MYLK: variants seen among roughly 807,000 people sequenced by gnomAD.
MYLK encodes the protein myosin light chain kinase.
MYLK carries 106 observed loss-of-function variants against 203.4 expected under a neutral mutation model. The ratio of observed to expected loss-of-function variants is 0.52; its 90% CI spans 0.45 to 0.61. The LOEUF (loss-of-function observed/expected upper bound fraction) is 0.61, where lower values mean the gene tolerates loss of function less well. MYLK is among the 20% of genes least tolerant of loss of function. The pLI is 0.00. For missense variants in MYLK, 2,072 were observed against 2,442.3 expected (o/e 0.85, Z 3.20); for synonymous variants, 867 against 959.5 (o/e 0.90, Z 1.78).
chr3:123,653,708 C>G (rs1162186348), intron 24 of MYLK, among the ~76,000 whole-genome samples: 1 of 152,168 alleles, frequency 6.6e-6, no homozygotes, highest in Non-Finnish European at 1.5e-5. Context: ...GCCCTGGGAG[C>G]AGCTGTCCTA....
chr3:123,811,223 G>A (rs1023557728), intron 3 of MYLK, among the ~76,000 whole-genome samples: 2 of 152,082 alleles, frequency 1.3e-5, no homozygotes, highest in African/African-American at 4.8e-5. Context: ...CTGAAACAGG[G>A]AGCCATTTGC....
At chr3:123,627,807 T>C (rs1437039242) in intron 30 of MYLK, among the ~76,000 whole-genome samples, 1 of 152,016 alleles carries the variant, frequency 6.6e-6, no homozygotes, top group Non-Finnish European at 1.5e-5. Flanking sequence ...GGTATAAGAG[T>C]TTATGGGAAT....
intron 19 of MYLK, among the ~76,000 whole-genome samples, chr3:123,688,653 C>T (rs868693100): frequency 5.9e-5 from 9 of 152,084 alleles, no homozygotes; most frequent in African/African-American, 2.2e-4. Context: ...CACGGTCCTC[C>T]TCAACCTCAC....
chr3:123,864,318 A>T (rs1056960676), intron 2 of MYLK, among the ~76,000 whole-genome samples: 2 of 152,230 alleles, frequency 1.3e-5, no homozygotes, highest in Non-Finnish European at 2.9e-5. Flanking sequence ...TATGCTTAAG[A>T]TTTGTTCATT....
chr3:123,653,434 C>T (rs534797909), intron 24 of MYLK, among the ~76,000 whole-genome samples: 76 of 152,334 alleles, frequency 5.0e-4, no homozygotes, highest in African/African-American at 1.7e-3. Flanking sequence ...CTGCCCTCTT[C>T]CTCCTCCCCC....
At chr3:123,831,230 G>A (rs962521368) in intron 3 of MYLK, among the ~76,000 whole-genome samples, 2 of 152,220 alleles carry the variant, frequency 1.3e-5, no homozygotes, top group African/African-American at 4.8e-5. Context: ...ACCACAGCGT[G>A]CAGTGTGAAC....
chr3:123,869,057 G>A (rs2032550079), intron 2 of MYLK, among the ~76,000 whole-genome samples: 1 of 152,116 alleles, frequency 6.6e-6, no homozygotes, highest in Non-Finnish European at 1.5e-5. Context: ...AAAAGCCTTG[G>A]TCTGATTGTC....
chr3:123,664,073 C>G, intron 23 of MYLK, 32 bp downstream of exon 23: 1 of 1,613,482 alleles, frequency 6.2e-7, no homozygotes, highest in Non-Finnish European at 8.5e-7. Context: ...CCCCTTGCCC[C>G]AAGCTCCATG....
At chr3:123,861,272 C>T (rs1292270316) in intron 2 of MYLK, among the ~76,000 whole-genome samples, 1 of 152,270 alleles carries the variant, frequency 6.6e-6, no homozygotes, top group Non-Finnish European at 1.5e-5. Flanking sequence ...GAGGGCCTAC[C>T]AAGATAAGCT....
intron 2 of MYLK, among the ~76,000 whole-genome samples, chr3:123,870,936 T>C (rs914359927): frequency 6.6e-5 from 10 of 152,170 alleles, no homozygotes; most frequent in African/African-American, 2.4e-4. Flanking sequence ...TCCAACTCCC[T>C]TTCCTCTCCT....
intron 18 of MYLK, among the ~76,000 whole-genome samples, chr3:123,694,377 T>A (rs33262): frequency 0.54 from 82,058 of 151,970 alleles, 27,474 homozygotes; most frequent in Non-Finnish European, 0.77. Context: ...AAGTCTGTCA[T>A]AAGAGTAAGA....
intron 20 of MYLK, among the ~76,000 whole-genome samples, chr3:123,678,915 T>C (rs1276171956): frequency 6.6e-6 from 1 of 152,228 alleles, no homozygotes; most frequent in African/African-American, 2.4e-5. Flanking sequence ...ATTTCTATAT[T>C]GTTTAAAATG....
At chr3:123,755,682 G>A (rs2063338388) in intron 4 of MYLK, among the ~76,000 whole-genome samples, 4 of 152,104 alleles carry the variant, frequency 2.6e-5, no homozygotes, top group Admixed American at 6.5e-5. Flanking sequence ...TCCTTGGGAT[G>A]CATGACAACA....
chr3:123,695,372 G>T (rs2060875921), intron 18 of MYLK, among the ~76,000 whole-genome samples: 1 of 152,218 alleles, frequency 6.6e-6, no homozygotes, highest in African/African-American at 2.4e-5. Flanking sequence ...CTCTCAGAGG[G>T]CAGTGACCCT....
At chr3:123,795,799 T>C (rs2064965110) in intron 3 of MYLK, among the ~76,000 whole-genome samples, 1 of 152,262 alleles carries the variant, frequency 6.6e-6, no homozygotes, top group Non-Finnish European at 1.5e-5. Context: ...TTCCTAGATT[T>C]GCTTTTCTGT....
chr3:123,701,624 G>C, intron 16 of MYLK, 115 bp from the exon 17 acceptor site: 2 of 988,760 alleles, frequency 2.0e-6, no homozygotes, highest in Non-Finnish European at 3.2e-6. Flanking sequence ...TCGCCGGCTT[G>C]ACTGAGACAT....
At chr3:123,651,670 C>T (rs1476680637) in intron 24 of MYLK, among the ~76,000 whole-genome samples, 6 of 152,172 alleles carry the variant, frequency 3.9e-5, no homozygotes, top group East Asian at 1.9e-4. Context: ...GCCAATGGCC[C>T]GGCAGCAGGA....
At chr3:123,836,950 T>C (rs1180698711) in intron 2 of MYLK, among the ~76,000 whole-genome samples, 1 of 152,220 alleles carries the variant, frequency 6.6e-6, no homozygotes, top group African/African-American at 2.4e-5. Flanking sequence ...TCCTACTTAA[T>C]AGAGTCATTT....
intron 1 of MYLK, among the ~76,000 whole-genome samples, chr3:123,883,119 G>C (rs2033646341): frequency 6.6e-6 from 1 of 152,110 alleles, no homozygotes; most frequent in Admixed American, 6.5e-5. Flanking sequence ...AGTGCATTTT[G>C]ACAAAAAGTA....
Sources: gnomAD v4.1 joint callset for allele counts (sites outside exome capture counted in the v4.1 genomes callset) on GRCh38, gnomAD v4.1.1 for gene constraint, MANE v1.5 for transcripts, NCBI Gene and HGNC (gene_info 2026-07-23, HGNC 2026-07-21) for gene names.